TENM2: variants seen among roughly 807,000 people sequenced by gnomAD.
TENM2 encodes the protein teneurin transmembrane protein 2.
In TENM2, 52 loss-of-function variants were observed where a neutral mutation model predicts 245.2. The observed-to-expected ratio is 0.21, with a 90% confidence interval of 0.17 to 0.27. The LOEUF is 0.27. TENM2 is among the 10% of genes least tolerant of loss of function. TENM2 has a pLI of 1.00. For missense variants in TENM2, 3,046 were observed against 3,666.8 expected, an observed-to-expected ratio of 0.83 and a Z score of 4.37; for synonymous variants, 1,363 against 1,438.9, an observed-to-expected ratio of 0.95 and a Z score of 1.19.
intron 2 of TENM2, among the ~76,000 whole-genome samples, chr5:167,819,054 G>A (rs1350766061): frequency 1.3e-5 from 2 of 148,576 alleles, no homozygotes; most frequent in Non-Finnish European, 3.0e-5. Flanking sequence ...TGTGTGGTGT[G>A]TGACTGTGTG....
intron 12 of TENM2, among the ~76,000 whole-genome samples, chr5:168,159,752 T>A (rs1757574477): frequency 6.6e-6 from 1 of 152,210 alleles, no homozygotes; most frequent in Non-Finnish European, 1.5e-5. Context: ...ACTTTTCTTG[T>A]TTTCATCTTC....
At chr5:167,982,997 C>T (rs964860622) in intron 4 of TENM2, among the ~76,000 whole-genome samples, 1 of 152,074 alleles carries the variant, frequency 6.6e-6, no homozygotes, top group Non-Finnish European at 1.5e-5. Context: ...CCGGTGAACA[C>T]AAATTTAAGT....
chr5:167,855,978 G>A (rs1476576004), intron 2 of TENM2, among the ~76,000 whole-genome samples: 1 of 151,932 alleles, frequency 6.6e-6, no homozygotes, highest in Non-Finnish European at 1.5e-5. Flanking sequence ...AGGGAAGAAG[G>A]GAGGGATTGT....
At chr5:167,506,979 A>G (rs1769602338) in intron 2 of TENM2, among the ~76,000 whole-genome samples, 1 of 152,218 alleles carries the variant, frequency 6.6e-6, no homozygotes, top group African/African-American at 2.4e-5. Flanking sequence ...AACAGACTTA[A>G]ACAACTTTTC....
chr5:167,372,198 T>C (rs1336200745), intron 1 of TENM2, among the ~76,000 whole-genome samples: 2 of 152,228 alleles, frequency 1.3e-5, no homozygotes, highest in Non-Finnish European at 2.9e-5. Flanking sequence ...TCCAATTTTC[T>C]TTACAATGCT....
At chr5:167,997,017 C>T (rs1334758275) in intron 5 of TENM2, among the ~76,000 whole-genome samples, 1 of 152,088 alleles carries the variant, frequency 6.6e-6, no homozygotes, top group African/African-American at 2.4e-5. Context: ...AGAATTACAG[C>T]CATGAGCCAC....
chr5:168,109,700 A>G (rs1794518330), intron 9 of TENM2, among the ~76,000 whole-genome samples: 1 of 152,206 alleles, frequency 6.6e-6, no homozygotes, highest in African/African-American at 2.4e-5. Context: ...GGGTCCCCAG[A>G]TGACTCCCAT....
At chr5:167,280,752 G>A (rs12655933), upstream of TENM2, among the ~76,000 whole-genome samples, 1 of 130,154 alleles carries the variant, frequency 7.7e-6, no homozygotes, top group African/African-American at 2.9e-5. Context: ...CTGTCTATCT[G>A]TCTGTCTATC....
At chr5:167,965,710 C>T (rs1379472809) in intron 4 of TENM2, 1 of 152,164 alleles carries the variant, frequency 6.6e-6, no homozygotes, top group Non-Finnish European at 1.5e-5. Flanking sequence ...CCTACAGGAT[C>T]CCATTTAATC....
chr5:168,066,098 G>A (rs1790478857), intron 7 of TENM2, among the ~76,000 whole-genome samples: 1 of 152,170 alleles, frequency 6.6e-6, no homozygotes, highest in Non-Finnish European at 1.5e-5. Flanking sequence ...TAATAGTGCT[G>A]AGGTTAGAAA....
In TENM2 at chr5:168,070,755, G is replaced by T. The variant is rs1279406609; in HGVS notation, c.1515+8490G>T. 4.0e-5 allele frequency among the ~76,000 whole-genome samples: 6 copies of T among 150,352 alleles called. No individual in the cohort carries two copies. The Admixed American group carries it at 4.0e-4, about 10-fold the overall frequency. On this transcript the variant is annotated intron_variant, in intron 7 of 28. Coordinates refer to ENST00000518659, the Ensembl canonical transcript of TENM2. ...AGTGTGCCCTGATTGTGCCACTCCAGCCTGGGCAAAAGAGTGAGATCCTGT... is the reference window on the plus strand; with the variant it reads ...AGTGTGCCCTGATTGTGCCACTCCATCCTGGGCAAAAGAGTGAGATCCTGT...
At chr5:167,353,088 T>C (rs1759031139) in intron 1 of TENM2, among the ~76,000 whole-genome samples, 1 of 152,174 alleles carries the variant, frequency 6.6e-6, no homozygotes, top group African/African-American at 2.4e-5. Context: ...TATCAGCCAA[T>C]GCGCAGAAAC....
At chr5:167,016,127 G>A in the TENM2 span, among the ~76,000 whole-genome samples, 7 of 151,964 alleles carry the variant, frequency 4.6e-5, no homozygotes, top group East Asian at 1.2e-3. Flanking sequence ...GGTGGCGGGC[G>A]CCTGTAGTCC....
At chr5:167,185,474 T>G in the TENM2 span, among the ~76,000 whole-genome samples, 1 of 152,176 alleles carries the variant, frequency 6.6e-6, no homozygotes, top group Non-Finnish European at 1.5e-5. Flanking sequence ...TGAGTGAGGC[T>G]TTTATATGTT....
chr5:167,505,294 A>C (rs946721959), intron 2 of TENM2, among the ~76,000 whole-genome samples: 11 of 152,198 alleles, frequency 7.2e-5, no homozygotes, highest in African/African-American at 2.7e-4. Context: ...AACATGTGCA[A>C]ATTAGTCAAA....
chr5:168,046,877 G>A (rs1384587600), intron 5 of TENM2, among the ~76,000 whole-genome samples: 3 of 152,182 alleles, frequency 2.0e-5, no homozygotes, highest in Admixed American at 1.3e-4. Flanking sequence ...TAGTTAGGGA[G>A]GTGGGCCAGT....
intron 12 of TENM2, among the ~76,000 whole-genome samples, chr5:168,151,131 GT>G (rs1756614788): frequency 6.6e-6 from 1 of 152,146 alleles, no homozygotes; most frequent in Non-Finnish European, 1.5e-5. Flanking sequence ...TCTGAGCCTG[GT>G]TGAGATTTCT....
the TENM2 span, among the ~76,000 whole-genome samples, chr5:167,125,559 C>T: frequency 1.3e-5 from 2 of 152,184 alleles, no homozygotes; most frequent in Non-Finnish European, 2.9e-5. Flanking sequence ...TGTCCCTGTA[C>T]ATTTCTGGGA....
intron 12 of TENM2, among the ~76,000 whole-genome samples, chr5:168,142,176 G>A (rs930453664): frequency 2.6e-5 from 4 of 152,224 alleles, no homozygotes; most frequent in Non-Finnish European, 5.9e-5. Context: ...ACTCAGGGAG[G>A]CCCAAGTAGA....
Sources: allele counts gnomAD v4.1 joint callset (sites outside exome capture counted in the v4.1 genomes callset), GRCh38; gene constraint gnomAD v4.1.1; transcripts MANE v1.5; gene names NCBI Gene and HGNC (gene_info 2026-07-23, HGNC 2026-07-21).